Variants in DYNC1LI1 observed in about 807,000 individuals in gnomAD.
DYNC1LI1 encodes the protein cytoplasmic dynein 1 light intermediate chain 1.
DYNC1LI1 carries 19 observed loss-of-function variants against 63.8 expected under a neutral mutation model. The observed-to-expected ratio is 0.30, with a 90% CI of 0.21 to 0.44. DYNC1LI1 has a LOEUF of 0.44. Ranked by LOEUF, DYNC1LI1 falls within the 20% of genes least tolerant of loss-of-function variation. The probability of loss-of-function intolerance (pLI) is 1.00; values close to 1 mark genes in which losing one functional copy is unlikely to be tolerated. For missense variants in DYNC1LI1, 565 were observed against 630.2 expected (o/e 0.90, Z 1.11); for synonymous variants, 225 against 232.3 (o/e 0.97, Z 0.28).
intron 2 of DYNC1LI1, among the ~76,000 whole-genome samples, chr3:32,560,602 C>G (rs559056761): frequency 6.6e-6 from 1 of 152,110 alleles, no homozygotes. Context: ...GGCCAAAGCC[C>G]TACCTTTGGA....
In DYNC1LI1 at chr3:32,570,093, G is replaced by A. The variant is rs1042750493; in HGVS notation, c.220+253C>T. ...GCGATCGAATTCTGTCCTTCCCAGGGGAAGCTGTCAGGGCCACCCCCATAT... is the reference window on the plus strand; with the variant it reads ...GCGATCGAATTCTGTCCTTCCCAGGAGAAGCTGTCAGGGCCACCCCCATAT... On this transcript the variant is annotated intron_variant, in intron 2 of 12. Coordinates refer to ENST00000273130, the MANE Select transcript of DYNC1LI1 (RefSeq NM_016141.4). The A allele has an allele frequency of 6.4e-6, 4 of 627,626 alleles. No homozygotes were observed. In the East Asian group the frequency reaches 1.2e-4, roughly 19 times the overall value. The allele number at this position is 627,626 out of a possible 1,614,324, so 38.9% of individuals were successfully genotyped here.
At chr3:32,537,226 G>T in intron 5 of DYNC1LI1, 122 bp from the exon 6 acceptor site, 1 of 510,466 alleles carries the variant, frequency 2.0e-6, no homozygotes. Flanking sequence ...TATGGTGAAT[G>T]AACAGCAGGA....
intron 2 of DYNC1LI1, among the ~76,000 whole-genome samples, chr3:32,556,778 C>T (rs769686535): frequency 5.1e-4 from 78 of 152,268 alleles, no homozygotes; most frequent in Non-Finnish European, 7.9e-4. Context: ...AAGCAATCCT[C>T]CCACTTCAGT....
chr3:32,564,978 G>C (rs1268933928), intron 2 of DYNC1LI1, among the ~76,000 whole-genome samples: 3 of 152,094 alleles, frequency 2.0e-5, no homozygotes, highest in Non-Finnish European at 4.4e-5. Context: ...TTTTATTCCT[G>C]AAGGGGGGGA....
chr3:32,540,509 G>A (rs1312380296), intron 5 of DYNC1LI1, among the ~76,000 whole-genome samples: 3 of 151,682 alleles, frequency 2.0e-5, no homozygotes, highest in Non-Finnish European at 4.4e-5. Flanking sequence ...GTGAAAGCCC[G>A]TCTCTACTAA....
At chr3:32,535,974 T>C (rs1475952640) in intron 6 of DYNC1LI1, among the ~76,000 whole-genome samples, 1 of 152,174 alleles carries the variant, frequency 6.6e-6, no homozygotes, top group African/African-American at 2.4e-5. Context: ...TACAGATACC[T>C]ACACTACAAT....
intron 2 of DYNC1LI1, among the ~76,000 whole-genome samples, chr3:32,565,692 C>T (rs1480308607): frequency 6.6e-6 from 1 of 152,156 alleles, no homozygotes. Context: ...TCACTGCAAC[C>T]TCTGCCTCCC....
chr3:32,558,605 G>A (rs1261296696), intron 2 of DYNC1LI1, among the ~76,000 whole-genome samples: 1 of 152,012 alleles, frequency 6.6e-6, no homozygotes, highest in Non-Finnish European at 1.5e-5. Flanking sequence ...CAGCACTTTG[G>A]GAGGCCGAGG....
At chr3:32,540,563 C>T (rs951251398) in intron 5 of DYNC1LI1, among the ~76,000 whole-genome samples, 1 of 151,684 alleles carries the variant, frequency 6.6e-6, no homozygotes, top group Non-Finnish European at 1.5e-5. Context: ...TGCCTGTAAT[C>T]CCAGCTACTA....
chr3:32,558,638 G>C (rs1410674465), intron 2 of DYNC1LI1, among the ~76,000 whole-genome samples: 4 of 152,070 alleles, frequency 2.6e-5, no homozygotes, highest in Non-Finnish European at 4.4e-5. Flanking sequence ...CTGAGGTTGG[G>C]AGTTCGAGAT....
In DYNC1LI1 at chr3:32,530,473, A is replaced by C. The variant is rs985209253; in HGVS notation, c.1128T>G (p.Leu376=). ...EIMAEDDQVF[L]MKLQSLLAKQ... ...TATAATTTCATACCTGTAGCTTCATAAGAAACACCTGATCATCTTCTGCCA... is the reference window on the plus strand; with the variant it reads ...TATAATTTCATACCTGTAGCTTCATCAGAAACACCTGATCATCTTCTGCCA... The change falls in exon 9 of 13, where the codon CTT becomes CTG. Residue 376 remains leucine (L), a synonymous_variant. Coordinates refer to ENST00000273130, the MANE Select transcript of DYNC1LI1 (RefSeq NM_016141.4). 2.1e-5 allele frequency: 34 copies of C among 1,613,336 alleles called. No individual in the cohort carries two copies. The highest frequency in any genetic ancestry group is 2.9e-5 in the Non-Finnish European group (34 of 1,179,832).
rs181320874 is a variant in DYNC1LI1 at position 32,560,599 on chromosome 3, G to C, written c.220+9747C>G. Among the ~76,000 whole-genome samples the C allele has an allele frequency of 2.9e-3, 443 of 152,064 alleles. 3 individuals carry two copies. The highest frequency in any genetic ancestry group is 3.4e-3 in the Non-Finnish European group (231 of 67,994). On this transcript the variant is annotated intron_variant, in intron 2 of 12. Transcript: ENST00000273130. The stretch of plus-strand genomic sequence containing the variant: ...GTTCCCAGCCCTGCAGCTGGCCAAA[G>C]CCCTACCTTTGGATTGATCATTCAG...
intron 2 of DYNC1LI1, among the ~76,000 whole-genome samples, chr3:32,552,401 T>C (rs185811479): frequency 2.1e-4 from 32 of 152,220 alleles, no homozygotes; most frequent in Admixed American, 1.3e-3. Context: ...GCCTCAAGCA[T>C]TCCTTCCACT....
At position 32,537,987 on chromosome 3, in the gene DYNC1LI1, A is replaced by ATATATAATT. The variant is rs1559436391; in HGVS notation, c.739-884_739-883insAATTATATA. Among the ~76,000 whole-genome samples, 33 of 64,192 alleles carry ATATATAATT rather than the reference A, an allele frequency of 5.1e-4. 7 individuals are homozygous for ATATATAATT. The highest frequency in any genetic ancestry group is 7.2e-4 in the Non-Finnish European group (28 of 39,124). 42.1% of individuals were successfully genotyped at this position (64,192 alleles called of 152,430 possible). On this transcript the variant is annotated intron_variant, in intron 5 of 12. Transcript: ENST00000273130. ...ATATATATATATTTATATATAATATATATATATAATTTATATATATAATAT... is the reference window on the plus strand; with the variant it reads ...ATATATATATATTTATATATAATATATATATAATTTATATATAATTTATATATATAATAT...
At chr3:32,529,278 G>A (rs1355664973) in intron 11 of DYNC1LI1, among the ~76,000 whole-genome samples, 1 of 151,928 alleles carries the variant, frequency 6.6e-6, no homozygotes, top group East Asian at 1.9e-4. Context: ...ACTTATTATA[G>A]TGTAAATGTG....
chr3:32,538,048 A>ATTTATATATATAATATATATATAAT lies in DYNC1LI1; in HGVS notation c.739-945_739-944insATTATATATATATTATATATATAAA, dbSNP rs372614188. Among the ~76,000 whole-genome samples the ATTTATATATATAATATATATATAAT allele has an allele frequency of 3.2e-4, 11 of 34,786 alleles. 2 individuals are homozygous for ATTTATATATATAATATATATATAAT. Among genetic ancestry groups the ATTTATATATATAATATATATATAAT allele is most frequent in the Admixed American group, 1.1e-3 (2 of 1,750 alleles). The allele number at this position is 34,786 out of a possible 152,430, so 22.8% of individuals were successfully genotyped here. A position where few individuals can be genotyped will look rare whatever the true frequency, so the allele number is the denominator to read the frequency against. The stretch of plus-strand genomic sequence containing the variant: ...TTTATATATATAATATATATATATA[A>ATTTATATATATAATATATATATAAT]TTATATATATATAATTTATTATATA... On this transcript the variant is annotated intron_variant, in intron 5 of 12. Coordinates refer to ENST00000273130, the MANE Select transcript of DYNC1LI1 (RefSeq NM_016141.4).
chr3:32,561,028 A>AAAC (rs1698185288), intron 2 of DYNC1LI1, among the ~76,000 whole-genome samples: 1 of 138,178 alleles, frequency 7.2e-6, no homozygotes, highest in African/African-American at 3.2e-5. Context: ...AAAAAAAAAA[A>AAAC]AAAAACAAAC....
intron 4 of DYNC1LI1, 23 bp downstream of exon 4, chr3:32,544,853 A>G: frequency 6.6e-7 from 1 of 1,521,752 alleles, no homozygotes; most frequent in East Asian, 2.3e-5. Context: ...TGAAACCTAC[A>G]TTACTGTTTC....
At chr3:32,541,256 A>G in intron 4 of DYNC1LI1, 50 bp from the exon 5 acceptor site, 1 of 1,264,232 alleles carries the variant, frequency 7.9e-7, no homozygotes, top group East Asian at 2.5e-5. Flanking sequence ...TTCAGCAGGT[A>G]ACTTTTCTTG....
Sources: gnomAD v4.1 joint callset for allele counts (sites outside exome capture counted in the v4.1 genomes callset) on GRCh38, gnomAD v4.1.1 for gene constraint, MANE v1.5 for transcripts, NCBI Gene and HGNC (gene_info 2026-07-23, HGNC 2026-07-21) for gene names.